The following NTM variants were observed in gnomAD, a reference collection of about 807,000 sequenced individuals.
NTM encodes IgLON family member 2.
NTM carries 13 observed loss-of-function variants against 42.1 expected under a neutral mutation model. The ratio of observed to expected loss-of-function variants is 0.31; its 90% CI spans 0.20 to 0.49. NTM has a LOEUF of 0.49. Ranked by LOEUF, NTM falls within the 20% of genes least tolerant of loss-of-function variation. The probability of loss-of-function intolerance (pLI) is 0.99; values close to 1 mark genes in which losing one functional copy is unlikely to be tolerated. For synonymous variants in NTM, 187 were observed against 179.2 expected (o/e 1.04, Z -0.35); for missense variants, 373 against 452.8 (o/e 0.82, Z 1.60).
chr11:131,644,056 C>T (rs1361843861), intron 1 of NTM, among the ~76,000 whole-genome samples: 1 of 152,186 alleles, frequency 6.6e-6, no homozygotes, highest in African/African-American at 2.4e-5. Flanking sequence ...GGAATGGATT[C>T]AGAGGCCATG....
intron 2 of NTM, among the ~76,000 whole-genome samples, chr11:132,042,543 G>T (rs2077343815): frequency 6.6e-6 from 1 of 152,112 alleles, no homozygotes; most frequent in African/African-American, 2.4e-5. Flanking sequence ...AATCTCCCTG[G>T]ACACCTCCAG....
At chr11:131,663,229 G>T (rs1374700848) in intron 1 of NTM, 1 of 152,198 alleles carries the variant, frequency 6.6e-6, no homozygotes, top group Non-Finnish European at 1.5e-5. Context: ...ACCAGATCTG[G>T]CCTCTCAGTG....
At chr11:132,283,425 C>G (rs541097169) in intron 4 of NTM, among the ~76,000 whole-genome samples, 1 of 152,284 alleles carries the variant, frequency 6.6e-6, no homozygotes, top group East Asian at 1.9e-4. Flanking sequence ...AGCACCACCT[C>G]TTGGAGAAGC....
intron 1 of NTM, among the ~76,000 whole-genome samples, chr11:131,503,282 G>C (rs536139209): frequency 6.6e-6 from 1 of 152,176 alleles, no homozygotes; most frequent in Non-Finnish European, 1.5e-5. Flanking sequence ...AGGTAGACCA[G>C]CTTCACTCAG....
chr11:131,785,100 C>A (rs1318970977), intron 1 of NTM, among the ~76,000 whole-genome samples: 3 of 152,072 alleles, frequency 2.0e-5, no homozygotes. Context: ...CTGGACTCAT[C>A]ATTTTAAAAA....
At chr11:132,062,286 A>T in intron 2 of NTM, among the ~76,000 whole-genome samples, 1 of 152,176 alleles carries the variant, frequency 6.6e-6, no homozygotes, top group East Asian at 1.9e-4. Context: ...AGCTTGGGAA[A>T]GTGAGGGGGC....
intron 5 of NTM, among the ~76,000 whole-genome samples, chr11:132,308,040 A>G (rs2095155508): frequency 6.6e-6 from 1 of 152,252 alleles, no homozygotes; most frequent in African/African-American, 2.4e-5. Context: ...AAGTAGCTAA[A>G]GTAACTGAAA....
At chr11:131,569,574 CTTTT>C (rs371565373) in intron 1 of NTM, among the ~76,000 whole-genome samples, 16 of 130,878 alleles carry the variant, frequency 1.2e-4, no homozygotes, top group African/African-American at 4.5e-4. Context: ...TTTCTTCTCT[CTTTT>C]TTTTTTTTTT....
chr11:131,572,562 G>C (rs1032677786), intron 1 of NTM, among the ~76,000 whole-genome samples: 2 of 152,036 alleles, frequency 1.3e-5, no homozygotes, highest in African/African-American at 4.8e-5. Context: ...TGTTCATGTA[G>C]AGCATGTTTC....
In NTM at chr11:131,772,033, T is replaced by C. The variant is rs868723540; in HGVS notation, c.83-139531T>C. ...ATCCCAAGTTTCACTGTTGTTTGTT[T>C]ATGTTGCTTTTCTACTGCCATTTAA... On this transcript the variant is annotated intron_variant, in intron 1 of 8. Transcript: ENST00000683400. Among the ~76,000 whole-genome samples the C allele has an allele frequency of 2.6e-5, 4 of 152,366 alleles. No individual in the cohort carries two copies. In the South Asian group the frequency reaches 6.2e-4, roughly 24 times the overall value.
At chr11:131,450,660 G>A (rs1474251918) in intron 1 of NTM, among the ~76,000 whole-genome samples, 2 of 152,172 alleles carry the variant, frequency 1.3e-5, no homozygotes, top group Admixed American at 6.5e-5. Flanking sequence ...CAAGGTCTCA[G>A]TTACATCTTT....
intron 1 of NTM, among the ~76,000 whole-genome samples, chr11:131,837,372 CT>C (rs2043637576): frequency 6.6e-6 from 1 of 152,178 alleles, no homozygotes; most frequent in African/African-American, 2.4e-5. Flanking sequence ...AACCACTCTT[CT>C]CATTATAATT....
chr11:131,945,703 T>G (rs2060266499), intron 2 of NTM, among the ~76,000 whole-genome samples: 4 of 152,344 alleles, frequency 2.6e-5, no homozygotes, highest in Admixed American at 1.3e-4. Context: ...AATTTCCCTG[T>G]GGGGTAGTCT....
At chr11:131,653,257 T>C (rs1349427071) in intron 1 of NTM, among the ~76,000 whole-genome samples, 1 of 120,324 alleles carries the variant, frequency 8.3e-6, no homozygotes, top group Non-Finnish European at 1.8e-5. Context: ...TCTTTCAGTC[T>C]CACATGTCTC....
chr11:131,835,347 C>T (rs920745571), intron 1 of NTM, among the ~76,000 whole-genome samples: 3 of 151,750 alleles, frequency 2.0e-5, no homozygotes, highest in Non-Finnish European at 4.4e-5. Context: ...AGGATATTCA[C>T]GATACGTATA....
chr11:131,753,401 A>C (rs1260548548), intron 1 of NTM, among the ~76,000 whole-genome samples: 3 of 152,140 alleles, frequency 2.0e-5, no homozygotes, highest in African/African-American at 4.8e-5. Flanking sequence ...GTATATAACC[A>C]AAAGGACTAT....
At chr11:132,161,843 A>G (rs1436571668) in intron 3 of NTM, among the ~76,000 whole-genome samples, 6 of 152,156 alleles carry the variant, frequency 3.9e-5, no homozygotes, top group Non-Finnish European at 8.8e-5. Context: ...CAGAGCCCAC[A>G]TGGCCGTTGT....
At position 131,789,491 on chromosome 11, in the gene NTM, AGGAAAGAAGAAGAAGAAG is replaced by A. The variant is rs2090096831; in HGVS notation, c.83-122072_83-122055del. Among the ~76,000 whole-genome samples the A allele has an allele frequency of 6.9e-4, 3 of 4,324 alleles. 1 individual carries two copies. The highest frequency in any genetic ancestry group is 2.8e-3 in the African/African-American group (3 of 1,072). 2.8% of individuals were successfully genotyped at this position (4,324 alleles called of 152,430 possible). On this transcript the variant is annotated intron_variant, in intron 1 of 8. Coordinates refer to ENST00000683400, the MANE Select transcript of NTM (RefSeq NM_001352005.2). ...GAAGAAGAAGAAGAAGAAGAAGAAGAGGAAAGAAGAAGAAGAAGAAGAAGAAGAAGAAGAAGAAGAAGA... is the reference window on the plus strand; with the variant it reads ...GAAGAAGAAGAAGAAGAAGAAGAAGAAAGAAGAAGAAGAAGAAGAAGAAGA...
At chr11:132,160,865 G>T (rs1045831439) in intron 3 of NTM, among the ~76,000 whole-genome samples, 1 of 152,172 alleles carries the variant, frequency 6.6e-6, no homozygotes, top group Non-Finnish European at 1.5e-5. Context: ...AGCATCCCCC[G>T]CAGGCAGTGA....
Sources: allele counts gnomAD v4.1 joint callset (sites outside exome capture counted in the v4.1 genomes callset), GRCh38; gene constraint gnomAD v4.1.1; transcripts MANE v1.5; gene names NCBI Gene and HGNC (gene_info 2026-07-23, HGNC 2026-07-21).